The following ZNF738 variants were observed in gnomAD, a reference collection of about 807,000 sequenced individuals.
ZNF738 encodes zinc finger protein 738.
A neutral mutation model predicts 9.2 loss-of-function variants in ZNF738; 10 were observed. The observed-to-expected ratio is 1.09, with a 90% CI of 0.67 to 1.85. The LOEUF (loss-of-function observed/expected upper bound fraction) is 1.85. Ranked by LOEUF, ZNF738 falls within the 40% of genes most tolerant of loss-of-function variation. The probability of loss-of-function intolerance (pLI) is 0.00; values close to 1 mark genes in which losing one functional copy is unlikely to be tolerated. For missense variants in ZNF738, 346 were observed against 283.6 expected (o/e 1.22, Z -1.58); for synonymous variants, 113 against 94.5 (o/e 1.20, Z -1.14).
At chr19:21,378,053 T>G (rs1427356751) in intron 4 of ZNF738, 1 of 397,246 alleles carries the variant, frequency 2.5e-6, no homozygotes, top group African/African-American at 2.1e-5. Flanking sequence ...ATAAAACCTT[T>G]AAGAGATACA....
chr19:21,366,521 G>A (rs1395993007), intron 2 of ZNF738, among the ~76,000 whole-genome samples: 1 of 152,118 alleles, frequency 6.6e-6, no homozygotes, highest in African/African-American at 2.4e-5. Context: ...TGGTTGCCAG[G>A]AAAATGTTAC....
chr19:21,377,676 CCTCTT>C (rs1254462844), intron 4 of ZNF738: 15 of 428,572 alleles, frequency 3.5e-5, no homozygotes, highest in Non-Finnish European at 4.9e-5. Flanking sequence ...ACTATTTTGA[CCTCTT>C]CTGCTCTCAT....
chr19:21,365,727 C>T (rs747887940), intron 2 of ZNF738, among the ~76,000 whole-genome samples: 9 of 152,030 alleles, frequency 5.9e-5, no homozygotes, highest in East Asian at 1.9e-4. Context: ...GAAGCCTAGG[C>T]GGGTGGATCG....
intron 2 of ZNF738, among the ~76,000 whole-genome samples, chr19:21,367,445 C>A (rs1252416011): frequency 6.6e-6 from 1 of 151,954 alleles, no homozygotes; most frequent in African/African-American, 2.4e-5. Flanking sequence ...TGAGACTGAG[C>A]CCTGAATCAG....
intron 2 of ZNF738, 95 bp downstream of exon 2, chr19:21,361,953 T>C (rs1254040227): frequency 3.2e-6 from 2 of 619,022 alleles, no homozygotes; most frequent in African/African-American, 1.9e-5. Flanking sequence ...TGGTGGTGCA[T>C]GCCTGAATTT....
rs1599720828 is a variant in ZNF738, at chr19:21,382,957, T to C, written c.411T>C (p.Tyr137=). Residue 137 remains tyrosine, a synonymous_variant, in exon 5 of 5, where the codon TAT becomes TAC. Coordinates refer to ENST00000683779, the MANE Select transcript of ZNF738 (RefSeq NM_001355237.2). ...TGATACTGAGAGAATATGGAAATTA[T>C]GGACATAAAGATTTACAGTTAAGAA... is the stretch of plus-strand genomic sequence containing the variant. ...QKVILREYGN[Y]GHKDLQLRKG... 3.1e-6 allele frequency: 2 copies of C among 635,686 alleles called. No homozygotes were observed. The highest frequency in any genetic ancestry group is 1.6e-5 in the South Asian group (1 of 61,914). 39.4% of individuals were successfully genotyped at this position (635,686 alleles called of 1,614,324 possible).
At position 21,386,332 on chromosome 19, in the gene ZNF738, G is replaced by C. The variant is rs1974066746; in HGVS notation, c.*2658G>C. 3.4e-6 allele frequency: 1 copy of C among 289,978 alleles called. No homozygotes were observed. Among genetic ancestry groups the C allele is most frequent in the Admixed American group, 4.4e-5 (1 of 22,882 alleles). 18.0% of individuals were successfully genotyped at this position (289,978 alleles called of 1,614,324 possible). ...TACACATAAGATAATTAATGCTGGA[G>C]GGAAATCCCACCCATGTGGCAAAGC... On this transcript the variant is annotated 3_prime_UTR_variant, in exon 5 of 5. Transcript: ENST00000683779.
At chr19:21,362,379 T>C (rs1973712898) in intron 2 of ZNF738, among the ~76,000 whole-genome samples, 1 of 151,914 alleles carries the variant, frequency 6.6e-6, no homozygotes, top group African/African-American at 2.4e-5. Flanking sequence ...CTGACTCCAG[T>C]GAGATGGTGT....
At position 21,383,636 on chromosome 19, in the gene ZNF738, A is replaced by G; in HGVS notation, c.1090A>G (p.Ile364Val). ...NWYSHLTRHKIIHTGEKPYKC... is the reference protein window; with the variant it reads ...NWYSHLTRHKVIHTGEKPYKC... ...GTACTCACACCTTACCAGACATAAG[A>G]TAATTCATACTGGAGAGAAACCCTA... The change falls in exon 5 of 5, where the codon ATA (isoleucine) becomes GTA (valine). Residue 364 changes from isoleucine to valine, a missense_variant. Coordinates refer to ENST00000683779, the MANE Select transcript of ZNF738 (RefSeq NM_001355237.2). The G allele has an allele frequency of 1.0e-6, 1 of 968,088 alleles. No homozygotes were observed. 60.0% of individuals were successfully genotyped at this position (968,088 alleles called of 1,614,324 possible). A position where few individuals can be genotyped will look rare whatever the true frequency, so the allele number is the denominator to read the frequency against.
At position 21,386,254 on chromosome 19, in the gene ZNF738, C is replaced by T. The variant is rs765027866; in HGVS notation, c.*2580C>T. The T allele has an allele frequency of 8.2e-5, 23 of 281,588 alleles. No homozygotes were observed. The highest frequency in any genetic ancestry group is 5.8e-4 in the South Asian group (15 of 25,768). The allele number at this position is 281,588 out of a possible 1,614,324, so 17.4% of individuals were successfully genotyped here. A position where few individuals can be genotyped will look rare whatever the true frequency, so the allele number is the denominator to read the frequency against. Reference sequence around the variant, plus strand: ...TAAGATAATTTATACTGTGGAGAAGCCTTACAAATGTGAAAAATGTAGCAA... The same window carrying T: ...TAAGATAATTTATACTGTGGAGAAGTCTTACAAATGTGAAAAATGTAGCAA... On this transcript the variant is annotated 3_prime_UTR_variant, in exon 5 of 5. Transcript: ENST00000683779.
chr19:21,377,155 A>G (rs1973938652), intron 4 of ZNF738, among the ~76,000 whole-genome samples: 1 of 152,066 alleles, frequency 6.6e-6, no homozygotes, highest in African/African-American at 2.4e-5. Context: ...TAAAAATACA[A>G]AATTAGCCAG....
At position 21,384,149 on chromosome 19, in the gene ZNF738, T is replaced by C; in HGVS notation, c.*475T>C. ...TTACTACACATAAGATGATTCATAC[T>C]GTAGAGAAACGCTACAAATGTGAGG... On this transcript the variant is annotated 3_prime_UTR_variant, in exon 5 of 5. Coordinates refer to ENST00000683779, the MANE Select transcript of ZNF738 (RefSeq NM_001355237.2). 2 of 1,472,298 alleles carry C rather than the reference T, an allele frequency of 1.4e-6. No homozygotes were observed. The highest frequency in any genetic ancestry group is 1.9e-6 in the Non-Finnish European group (2 of 1,056,238). The allele number at this position is 1,472,298 out of a possible 1,614,324, so 91.2% of individuals were successfully genotyped here.
Position 21,375,305 on chromosome 19 carries a change from CT to C in ZNF738, c.165del (p.Gln56SerfsTer8). 2.7e-6 allele frequency: 3 copies of C among 1,119,210 alleles called. No individual in the cohort carries two copies. The highest frequency in any genetic ancestry group is 4.1e-6 in the Non-Finnish European group (3 of 730,542). 69.3% of individuals were successfully genotyped at this position (1,119,210 alleles called of 1,614,324 possible). On this transcript the variant is annotated frameshift_variant, in exon 3 of 5. Transcript: ENST00000683779. LOFTEE classifies it high-confidence loss of function. ...GAGGAGTGGCAATGCCTGGACACTG[CT>C]CAGCAAGATTTGTATAGGAAAGTGA... is the stretch of plus-strand genomic sequence containing the variant. ...SQEEWQCLDT[A>X]QQDLYRKVML...
chr19:21,369,214 T>A (rs539952071), intron 2 of ZNF738, among the ~76,000 whole-genome samples: 17 of 152,268 alleles, frequency 1.1e-4, no homozygotes, highest in African/African-American at 4.1e-4. Flanking sequence ...GTTTAAGGAA[T>A]CCTCCTACCT....
chr19:21,365,104 C>G (rs908537751), intron 2 of ZNF738, among the ~76,000 whole-genome samples: 12 of 151,848 alleles, frequency 7.9e-5, no homozygotes, highest in Admixed American at 2.0e-4. Context: ...TTATTTATTC[C>G]CATTGTAGAC....
chr19:21,377,568 T>C, intron 4 of ZNF738: 1 of 513,656 alleles, frequency 1.9e-6, no homozygotes, highest in Non-Finnish European at 3.5e-6. Context: ...AATAAATCTA[T>C]TATTGTTTAA....
Position 21,359,041 on chromosome 19 carries a change from C to A in ZNF738, c.-100C>A. 1.2e-6 allele frequency: 1 copy of A among 815,026 alleles called. No individual in the cohort carries two copies. Among genetic ancestry groups the A allele is most frequent in the Non-Finnish European group, 2.2e-6 (1 of 456,846 alleles). 50.5% of individuals were successfully genotyped at this position (815,026 alleles called of 1,614,324 possible). A position where few individuals can be genotyped will look rare whatever the true frequency, so the allele number is the denominator to read the frequency against. On this transcript the variant is annotated 5_prime_UTR_variant, in exon 1 of 5. Coordinates refer to ENST00000683779, the MANE Select transcript of ZNF738 (RefSeq NM_001355237.2). The stretch of plus-strand genomic sequence containing the variant: ...GGAACTCCGGGTCTCGTCTTCACTG[C>A]TCTGTGTCCTCTGCTCCTAGAGGCC...
intron 2 of ZNF738, chr19:21,372,025 C>G (rs988900150): frequency 6.6e-6 from 1 of 152,524 alleles, no homozygotes; most frequent in Non-Finnish European, 1.5e-5. Flanking sequence ...CTCACCTCAA[C>G]CTCCGCCTCC....
At chr19:21,376,399 G>A (rs533370800) in intron 4 of ZNF738, 1 of 152,706 alleles carries the variant, frequency 6.5e-6, no homozygotes, top group East Asian at 1.9e-4. Flanking sequence ...CTGTTCTATT[G>A]GTTTTTATGT....
Sources: allele counts gnomAD v4.1 joint callset (sites outside exome capture counted in the v4.1 genomes callset), GRCh38; gene constraint gnomAD v4.1.1; transcripts MANE v1.5; gene names NCBI Gene and HGNC (gene_info 2026-07-23, HGNC 2026-07-21).